Variants in TK1 observed in about 807,000 individuals in gnomAD.
TK1 encodes the protein thymidine kinase, cytosolic.
A neutral mutation model predicts 22.4 loss-of-function variants in TK1; 13 were observed. The ratio of observed to expected loss-of-function variants is 0.58; its 90% CI spans 0.38 to 0.92. TK1 has a LOEUF of 0.92. TK1 is among the 40% of genes least tolerant of loss of function. The pLI is 0.00. For missense variants in TK1, 251 were observed against 315.7 expected (o/e 0.80, Z 1.55); for synonymous variants, 134 against 125.4 (o/e 1.07, Z -0.46).
intron 4 of TK1, among the ~76,000 whole-genome samples, chr17:78,176,754 C>G (rs1412243858): frequency 6.6e-6 from 1 of 152,230 alleles, no homozygotes; most frequent in Admixed American, 6.5e-5. Context: ...GCTGCCATGG[C>G]TGCCATTTGA....
intron 4 of TK1, among the ~76,000 whole-genome samples, chr17:78,178,429 C>T (rs1598966266): frequency 6.6e-6 from 1 of 152,158 alleles, no homozygotes; most frequent in African/African-American, 2.4e-5. Flanking sequence ...AGCTTCTGAC[C>T]CAGGGCCTTC....
At position 78,178,114 on chromosome 17, in the gene TK1, G is replaced by A. The variant is rs561042691; in HGVS notation, c.304-2496C>T. On this transcript the variant is annotated intron_variant, in intron 4 of 6. Coordinates refer to ENST00000301634, the MANE Select transcript of TK1 (RefSeq NM_003258.5). The stretch of plus-strand genomic sequence containing the variant: ...TCAAACTCCTGACCTCAAGTGATCC[G>A]CCCGCCTAGGCCTTCCAAAGTGCTG... 3.3e-5 allele frequency among the ~76,000 whole-genome samples: 5 copies of A among 152,152 alleles called. No homozygotes were observed. In the South Asian group the frequency reaches 6.2e-4, roughly 19 times the overall value.
chr17:78,180,213 G>A (rs1033301414), intron 4 of TK1, among the ~76,000 whole-genome samples: 25 of 152,234 alleles, frequency 1.6e-4, no homozygotes, highest in Non-Finnish European at 1.9e-4. Flanking sequence ...CAGGGGCTCC[G>A]CCACGTCTCT....
chr17:78,175,029 A>G, intron 6 of TK1, 21 bp downstream of exon 6: 1 of 1,612,202 alleles, frequency 6.2e-7, no homozygotes, highest in Non-Finnish European at 8.5e-7. Flanking sequence ...GCCGGCCTGC[A>G]GGGAAGGCAG....
At chr17:78,174,972 G>A in intron 6 of TK1, 22 bp from the exon 7 acceptor site, 2 of 1,611,324 alleles carry the variant, frequency 1.2e-6, no homozygotes, top group East Asian at 4.5e-5. Flanking sequence ...GACAGGGGAT[G>A]GGTGAAGGGC....
At chr17:78,177,989 G>A (rs2075713215) in intron 4 of TK1, among the ~76,000 whole-genome samples, 1 of 151,988 alleles carries the variant, frequency 6.6e-6, no homozygotes, top group Admixed American at 6.6e-5. Context: ...TTGTGCCTCT[G>A]CCTCCCAAGT....
In TK1 at chr17:78,181,800, C is replaced by T. The variant is rs562758865; in HGVS notation, c.303+789G>A. Among the ~76,000 whole-genome samples the T allele has an allele frequency of 2.0e-4, 30 of 152,130 alleles. No individual in the cohort carries two copies. In the South Asian group the frequency reaches 6.0e-3, roughly 30 times the overall value. On this transcript the variant is annotated intron_variant, in intron 4 of 6. Coordinates refer to ENST00000301634, the MANE Select transcript of TK1 (RefSeq NM_003258.5). ...TTGAGACAGGGTCTGGCCTTGTCGC[C>T]CGGGCTGGAGTGCAGTGGTGCTATC...
chr17:78,183,482 C>T (rs1315001705), intron 3 of TK1, among the ~76,000 whole-genome samples: 3 of 152,134 alleles, frequency 2.0e-5, no homozygotes, highest in Non-Finnish European at 4.4e-5. Context: ...CACTTGAACT[C>T]AGGAGTTCGA....
intron 6 of TK1, 41 bp from the exon 7 acceptor site, chr17:78,174,991 G>A (rs779968473): frequency 6.2e-7 from 1 of 1,610,352 alleles, no homozygotes; most frequent in South Asian, 1.1e-5. Context: ...GCCAGGACAG[G>A]AAGGAGGCAG....
At chr17:78,187,102 G>T (rs750641604), upstream of TK1, 15 of 1,283,648 alleles carry the variant, frequency 1.2e-5, no homozygotes, top group South Asian at 1.8e-4. Context: ...GGCCAATCAC[G>T]AGCCGGCCCC....
chr17:78,175,675 T>A (rs984417254), intron 4 of TK1, 57 bp from the exon 5 acceptor site: 1 of 1,510,996 alleles, frequency 6.6e-7, no homozygotes, highest in East Asian at 2.3e-5. Flanking sequence ...AGCAGCTCCC[T>A]GGAGCCCCAG....
Position 78,179,131 on chromosome 17 carries a change from C to T in TK1, c.303+3458G>A, listed in dbSNP as rs73377419. 4.7e-3 allele frequency: 4,648 copies of T among 982,958 alleles called. 180 individuals carry two copies. In the African/African-American group the frequency reaches 0.075, roughly 16 times the overall value. The allele number at this position is 982,958 out of a possible 1,614,324, so 60.9% of individuals were successfully genotyped here. On this transcript the variant is annotated intron_variant, in intron 4 of 6. Coordinates refer to ENST00000301634, the MANE Select transcript of TK1 (RefSeq NM_003258.5). The stretch of plus-strand genomic sequence containing the variant: ...GGTCAGCCTCTGTCAACAAGGTTTA[C>T]GCAGAGCCAGGAGAACAGAGCTATT...
chr17:78,179,413 A>G (rs1335172260), intron 4 of TK1: 4 of 985,278 alleles, frequency 4.1e-6, no homozygotes, highest in Admixed American at 6.2e-5. Flanking sequence ...TCAGGGGCGC[A>G]CCTCTGAAGG....
chr17:78,181,623 C>T (rs2075738273), intron 4 of TK1, among the ~76,000 whole-genome samples: 1 of 151,830 alleles, frequency 6.6e-6, no homozygotes, highest in Non-Finnish European at 1.5e-5. Context: ...GAAAGATTTC[C>T]ATACAAAGAC....
chr17:78,185,832 C>T (rs2075783800), intron 2 of TK1, among the ~76,000 whole-genome samples: 1 of 152,176 alleles, frequency 6.6e-6, no homozygotes, highest in African/African-American at 2.4e-5. Flanking sequence ...ACCTGGCATA[C>T]AGCTTTTCTA....
chr17:78,185,045 A>T lies in TK1; in HGVS notation c.209+10T>A. ...TCCACTGGACAGGACTGCAGGGGGC[A>T]GGGACTGACCGGTCATGTGTGCAGA... On this transcript the variant is annotated intron_variant, in intron 3 of 6. Coordinates refer to ENST00000301634, the MANE Select transcript of TK1 (RefSeq NM_003258.5). 6.2e-7 allele frequency: 1 copy of T among 1,610,548 alleles called. No homozygotes were observed. Among genetic ancestry groups the T allele is most frequent in the Non-Finnish European group, 8.5e-7 (1 of 1,177,392 alleles).
chr17:78,186,867 T>C (rs370047615), intron 1 of TK1, 49 bp from the exon 2 acceptor site: 3 of 1,569,076 alleles, frequency 1.9e-6, no homozygotes, highest in Non-Finnish European at 2.6e-6. Flanking sequence ...CGCGGATGCC[T>C]GGACACAGGC....
rs557826374 is a variant in TK1 at position 78,176,332 on chromosome 17, T to C, written c.304-714A>G. 3.9e-5 allele frequency among the ~76,000 whole-genome samples: 6 copies of C among 152,302 alleles called. No individual in the cohort carries two copies. In the East Asian group the frequency reaches 1.2e-3, roughly 29 times the overall value. On this transcript the variant is annotated intron_variant, in intron 4 of 6. Coordinates refer to ENST00000301634, the MANE Select transcript of TK1 (RefSeq NM_003258.5). ...AATCAATCATATCACTCTTAGCTGG[T>C]TGAGTTCATATGTCCAGACTGGCCT... is the stretch of plus-strand genomic sequence containing the variant.
intron 4 of TK1, among the ~76,000 whole-genome samples, chr17:78,176,836 A>C (rs1006279975): frequency 2.0e-5 from 3 of 151,956 alleles, no homozygotes; most frequent in African/African-American, 7.3e-5. Flanking sequence ...CATTAGATAG[A>C]TGCCAGGAAC....
Sources: allele counts gnomAD v4.1 joint callset (sites outside exome capture counted in the v4.1 genomes callset), GRCh38; gene constraint gnomAD v4.1.1; transcripts MANE v1.5; gene names NCBI Gene and HGNC (gene_info 2026-07-23, HGNC 2026-07-21).